Variants in MTUS2 observed in about 807,000 individuals in gnomAD.
MTUS2 encodes the protein microtubule-associated tumor suppressor candidate 2.
In MTUS2, 40 loss-of-function variants were observed where a neutral mutation model predicts 114.1. The observed-to-expected ratio is 0.35, with a 90% confidence interval of 0.27 to 0.46. The LOEUF is 0.46. Ranked by LOEUF, MTUS2 falls within the 20% of genes least tolerant of loss-of-function variation. MTUS2 has a pLI of 1.00. For synonymous variants in MTUS2, 688 were observed against 672.0 expected, an observed-to-expected ratio of 1.02 and a Z score of -0.37; for missense variants, 1,679 against 1,705.4, an observed-to-expected ratio of 0.98 and a Z score of 0.27.
chr13:29,389,551 ACACG>A lies in MTUS2; in HGVS notation c.3117+30079_3117+30082del, dbSNP rs1566173545. On this transcript the variant is annotated intron_variant, in intron 8 of 15. Coordinates refer to ENST00000612955, the MANE Select transcript of MTUS2 (RefSeq NM_001033602.4). The stretch of plus-strand genomic sequence containing the variant: ...TATGTATACACGTGTGTATATGTAT[ACACG>A]TGTGTATATGTGTACATATGTGTGT... 1.9e-3 allele frequency among the ~76,000 whole-genome samples: 154 copies of A among 82,626 alleles called. 15 individuals are homozygous for A. The East Asian group carries it at 0.048, about 26-fold the overall frequency. The allele number at this position is 82,626 out of a possible 152,430, so 54.2% of individuals were successfully genotyped here.
At chr13:29,427,484 G>T (rs774536868) in intron 8 of MTUS2, among the ~76,000 whole-genome samples, 1 of 152,206 alleles carries the variant, frequency 6.6e-6, no homozygotes, top group Non-Finnish European at 1.5e-5. Context: ...ACGTGCAAAT[G>T]TTGGGTCAAG....
chr13:29,255,875 G>A (rs1897269763), intron 5 of MTUS2, among the ~76,000 whole-genome samples: 1 of 152,216 alleles, frequency 6.6e-6, no homozygotes, highest in Non-Finnish European at 1.5e-5. Flanking sequence ...AAGCACTCCA[G>A]CTTTGGAGCA....
chr13:29,156,291 T>A (rs988592513), intron 5 of MTUS2, among the ~76,000 whole-genome samples: 1 of 152,166 alleles, frequency 6.6e-6, no homozygotes, highest in East Asian at 1.9e-4. Context: ...TAAGTCACAG[T>A]TGAGTCAGAA....
intron 9 of MTUS2, among the ~76,000 whole-genome samples, chr13:29,478,080 G>T (rs1880839543): frequency 6.6e-6 from 1 of 152,146 alleles, no homozygotes; most frequent in African/African-American, 2.4e-5. Context: ...CAAGATTCCT[G>T]GCCAGTTATC....
At chr13:28,892,115 C>G (rs1318814116) in intron 2 of MTUS2, among the ~76,000 whole-genome samples, 1 of 152,112 alleles carries the variant, frequency 6.6e-6, no homozygotes, top group African/African-American at 2.4e-5. Context: ...TACCATTATT[C>G]ATTTACTTCT....
chr13:29,276,625 C>T (rs1566105307), intron 5 of MTUS2, among the ~76,000 whole-genome samples: 1 of 152,112 alleles, frequency 6.6e-6, no homozygotes, highest in African/African-American at 2.4e-5. Context: ...GGGCTGGGCA[C>T]GGTGGCTCAT....
Position 29,325,866 on chromosome 13 carries a change from A to G in MTUS2, c.2905+1155A>G, listed in dbSNP as rs375020004. 1.8e-4 allele frequency among the ~76,000 whole-genome samples: 27 copies of G among 152,360 alleles called. No homozygotes were observed. The East Asian group carries it at 4.4e-3, about 25-fold the overall frequency. On this transcript the variant is annotated intron_variant, in intron 7 of 15. Transcript: ENST00000612955. ...ATTTCATTAATTTGCCCAAAGTCACAGGTGATAAGTAGTAGAGCCTTGGTT... is the reference window on the plus strand; with the variant it reads ...ATTTCATTAATTTGCCCAAAGTCACGGGTGATAAGTAGTAGAGCCTTGGTT...
At chr13:29,259,467 C>T (rs1204579948) in intron 5 of MTUS2, among the ~76,000 whole-genome samples, 2 of 152,222 alleles carry the variant, frequency 1.3e-5, no homozygotes, top group Non-Finnish European at 2.9e-5. Context: ...GTTGAAGCTG[C>T]TGGCATCTTC....
chr13:29,503,186 G>A lies in MTUS2; in HGVS notation c.4090G>A (p.Val1364Ile). The change falls in exon 16 of 16, where the codon GTC becomes ATC. Residue 1364 changes from valine to isoleucine, a missense_variant. Around this residue, in one of 3 missense-constraint regions of MTUS2, gnomAD observed 822 missense variants for 899.7 expected, o/e 0.91. Transcript: ENST00000612955. ...SSSGPSSPAR[V>I]STTPR ...CTCGGGGCCCTCCTCTCCGGCCAGA[G>A]TCAGCACAACACCCAGATGACGCCA... 9 of 1,614,026 alleles carry A rather than the reference G, an allele frequency of 5.6e-6. No homozygotes were observed. Among genetic ancestry groups the A allele is most frequent in the Non-Finnish European group, 7.6e-6 (9 of 1,180,042 alleles).
At chr13:29,290,028 G>A (rs997890006) in intron 6 of MTUS2, among the ~76,000 whole-genome samples, 1 of 152,148 alleles carries the variant, frequency 6.6e-6, no homozygotes, top group East Asian at 1.9e-4. Flanking sequence ...TAGTGCAGAG[G>A]AAAACCATGT....
intron 6 of MTUS2, chr13:29,307,338 T>C: frequency 1.4e-6 from 1 of 704,446 alleles, no homozygotes; most frequent in Non-Finnish European, 2.6e-6. Flanking sequence ...CCCAGAAGAC[T>C]GTGGATGGAC....
At chr13:28,923,737 T>G (rs1438539921) in intron 2 of MTUS2, among the ~76,000 whole-genome samples, 1 of 152,172 alleles carries the variant, frequency 6.6e-6, no homozygotes, top group Non-Finnish European at 1.5e-5. Flanking sequence ...CCTAGGAACA[T>G]AGCAGCTTCC....
intron 2 of MTUS2, among the ~76,000 whole-genome samples, chr13:28,983,757 C>T (rs1018373018): frequency 4.6e-5 from 7 of 152,244 alleles, no homozygotes; most frequent in Admixed American, 3.3e-4. Flanking sequence ...GTTTTAACAT[C>T]TGCTCAAGTT....
intron 4 of MTUS2, among the ~76,000 whole-genome samples, chr13:29,052,459 C>CA (rs11325314): frequency 0.041 from 3,844 of 94,550 alleles, 90 homozygotes; most frequent in Middle Eastern, 0.065. Flanking sequence ...CTAGCCTGAG[C>CA]AAAAAAAAAA....
intron 5 of MTUS2, among the ~76,000 whole-genome samples, chr13:29,122,312 TA>T (rs962360947): frequency 6.6e-6 from 1 of 152,158 alleles, no homozygotes; most frequent in African/African-American, 2.4e-5. Flanking sequence ...CTGGGTCATT[TA>T]TAAAGGAAAG....
At chr13:29,460,095 G>C (rs145549435) in intron 9 of MTUS2, among the ~76,000 whole-genome samples, 4 of 152,280 alleles carry the variant, frequency 2.6e-5, no homozygotes, top group African/African-American at 9.6e-5. Context: ...CATAGTTTCT[G>C]ATGTTCACAA....
At chr13:29,301,110 C>T (rs917494285) in intron 6 of MTUS2, among the ~76,000 whole-genome samples, 3 of 152,202 alleles carry the variant, frequency 2.0e-5, no homozygotes, top group Admixed American at 6.5e-5. Context: ...CAATAGTCAC[C>T]CAACCAGCCT....
intron 2 of MTUS2, among the ~76,000 whole-genome samples, chr13:29,023,138 G>A (rs1886363591): frequency 6.6e-6 from 1 of 152,160 alleles, no homozygotes. Flanking sequence ...GATGAGGTTG[G>A]GGGAGGATTC....
chr13:29,105,933 T>C (rs1254768923), intron 5 of MTUS2, among the ~76,000 whole-genome samples: 3 of 152,118 alleles, frequency 2.0e-5, no homozygotes, highest in Non-Finnish European at 2.9e-5. Context: ...TTCAGAAAAC[T>C]TCCTGAATCT....
Sources: gnomAD v4.1 joint callset for allele counts (sites outside exome capture counted in the v4.1 genomes callset) on GRCh38, gnomAD v4.1.1 for gene constraint, gnomAD v4.1.1 regional missense constraint, MANE v1.5 for transcripts, NCBI Gene and HGNC (gene_info 2026-07-23, HGNC 2026-07-21) for gene names.